Variants in TENM4 observed in about 807,000 individuals in gnomAD.
TENM4 encodes the protein teneurin transmembrane protein 4.
A neutral mutation model predicts 243.3 loss-of-function variants in TENM4; 82 were observed. The observed-to-expected ratio is 0.34, with a 90% CI of 0.28 to 0.40. TENM4 has a LOEUF of 0.40. TENM4 is among the 10% of genes least tolerant of loss of function. TENM4 has a pLI of 1.00. For missense variants in TENM4, 3,138 were observed against 3,673.3 expected, an observed-to-expected ratio of 0.85 and a Z score of 3.77; for synonymous variants, 1,412 against 1,456.3, an observed-to-expected ratio of 0.97 and a Z score of 0.69.
At chr11:79,114,573 T>C (rs1476963893) in intron 4 of TENM4, among the ~76,000 whole-genome samples, 1 of 152,174 alleles carries the variant, frequency 6.6e-6, no homozygotes, top group East Asian at 1.9e-4. Flanking sequence ...CAGAAGGGCT[T>C]CATGGGTGTG....
chr11:79,299,570 G>T (rs747227612), intron 1 of TENM4, among the ~76,000 whole-genome samples: 3 of 152,142 alleles, frequency 2.0e-5, no homozygotes, highest in Non-Finnish European at 4.4e-5. Context: ...CCAAAAGAGC[G>T]CTTTGGTATA....
At chr11:78,999,377 G>A (rs748940111) in intron 6 of TENM4, among the ~76,000 whole-genome samples, 16 of 151,992 alleles carry the variant, frequency 1.1e-4, no homozygotes, top group Non-Finnish European at 1.3e-4. Context: ...TTAGCCAGGC[G>A]TGGTGGTGTG....
At chr11:79,228,405 CAGGG>C (rs1864312365) in intron 2 of TENM4, among the ~76,000 whole-genome samples, 1 of 152,190 alleles carries the variant, frequency 6.6e-6, no homozygotes, top group Non-Finnish European at 1.5e-5. Flanking sequence ...TGCAGAACAG[CAGGG>C]CTGTTAATGA....
intron 7 of TENM4, among the ~76,000 whole-genome samples, chr11:78,894,566 T>C (rs1187473032): frequency 6.6e-6 from 1 of 152,150 alleles, no homozygotes; most frequent in Non-Finnish European, 1.5e-5. Context: ...GAAGAGGTGA[T>C]GCAACAGAGT....
At chr11:79,377,323 A>G (rs1005666215) in intron 1 of TENM4, among the ~76,000 whole-genome samples, 2 of 152,216 alleles carry the variant, frequency 1.3e-5, no homozygotes, top group Non-Finnish European at 2.9e-5. Context: ...AATTTGTTAT[A>G]GCAGCCACAG....
At position 78,805,281 on chromosome 11, in the gene TENM4, C is replaced by CCCCACCCCA; in HGVS notation, c.2179+10_2179+11insTGGGGTGGG. 1 of 1,488,492 alleles carries CCCCACCCCA rather than the reference C, an allele frequency of 6.7e-7. No homozygotes were observed. Among genetic ancestry groups the CCCCACCCCA allele is most frequent in the Non-Finnish European group, 9.1e-7 (1 of 1,097,814 alleles). The allele number at this position is 1,488,492 out of a possible 1,614,324, so 92.2% of individuals were successfully genotyped here. On this transcript the variant is annotated intron_variant, in intron 15 of 33. Coordinates refer to ENST00000278550, the MANE Select transcript of TENM4 (RefSeq NM_001098816.3). ...TCCCTCTACCCATGCTTCTTCTCCC[C>CCCCACCCCA]CTGCATTTACCGATAGAACAGTCGT...
At chr11:78,778,917 C>A (rs1339207317) in intron 16 of TENM4, among the ~76,000 whole-genome samples, 2 of 152,168 alleles carry the variant, frequency 1.3e-5, no homozygotes, top group East Asian at 1.9e-4. Flanking sequence ...GGAAAACAGA[C>A]AAAGAAGGAT....
intron 6 of TENM4, among the ~76,000 whole-genome samples, chr11:78,937,127 A>G (rs1856803460): frequency 1.3e-5 from 2 of 152,206 alleles, no homozygotes; most frequent in Admixed American, 6.5e-5. Flanking sequence ...AACCCACAGA[A>G]GAGCCTTCTG....
Position 78,712,593 on chromosome 11 carries a change from C to G in TENM4, c.3943G>C (p.Val1315Leu), listed in dbSNP as rs762729414. The change falls in exon 26 of 34, where the codon GTC becomes CTC. Residue 1315 changes from valine (V) to leucine (L), a missense_variant. Around this residue, in one of 2 missense-constraint regions of TENM4, gnomAD observed 2,467 missense variants for 3,059.1 expected, o/e 0.81. Coordinates refer to ENST00000278550, the MANE Select transcript of TENM4 (RefSeq NM_001098816.3). ...CCCGCAACCACCTCAGAGTTCTTGA[C>G]AAGGTCCTTCACCACCACAGTGGAC... The part of the protein sequence containing the change: ...IKSTVVVKDL[V>L]KNSEVVAGTG... 1 of 1,613,968 alleles carries G rather than the reference C, an allele frequency of 6.2e-7. No individual in the cohort carries two copies. Among genetic ancestry groups the G allele is most frequent in the South Asian group, 1.1e-5 (1 of 91,078 alleles).
At chr11:78,661,627 T>C in intron 32 of TENM4, 36 bp from the exon 33 acceptor site, 1 of 1,605,578 alleles carries the variant, frequency 6.2e-7, no homozygotes, top group Non-Finnish European at 8.5e-7. Context: ...CTCCATGGAG[T>C]GAGTGGACCT....
At chr11:79,097,975 A>C (rs1861125307) in intron 4 of TENM4, 1 of 152,200 alleles carries the variant, frequency 6.6e-6, no homozygotes, top group African/African-American at 2.4e-5. Context: ...AAAACAAAAA[A>C]CGATAGTGGC....
intron 2 of TENM4, among the ~76,000 whole-genome samples, chr11:79,284,761 A>G (rs1407805915): frequency 1.3e-5 from 2 of 152,234 alleles, no homozygotes; most frequent in Non-Finnish European, 2.9e-5. Flanking sequence ...GAGTAAAAAG[A>G]TAACTCACAG....
chr11:78,836,372 GA>G (rs1465503666), intron 12 of TENM4, among the ~76,000 whole-genome samples: 3 of 152,008 alleles, frequency 2.0e-5, no homozygotes, highest in African/African-American at 4.8e-5. Flanking sequence ...AAAAAAACAA[GA>G]AAAAAACCTT....
chr11:79,236,802 A>T (rs1864483013), intron 2 of TENM4, among the ~76,000 whole-genome samples: 1 of 152,152 alleles, frequency 6.6e-6, no homozygotes, highest in Admixed American at 6.5e-5. Context: ...AGGATTGTAG[A>T]GGGCGGATGT....
At chr11:78,856,539 T>C (rs151288074) in intron 10 of TENM4, among the ~76,000 whole-genome samples, 1 of 152,318 alleles carries the variant, frequency 6.6e-6, no homozygotes, top group East Asian at 1.9e-4. Flanking sequence ...TGATTTGGTG[T>C]GTTAAGGGGC....
chr11:78,847,922 C>G (rs1418259774), intron 12 of TENM4, among the ~76,000 whole-genome samples: 1 of 152,118 alleles, frequency 6.6e-6, no homozygotes, highest in Non-Finnish European at 1.5e-5. Context: ...CACTCAGAGG[C>G]AAATACCCAA....
At chr11:78,741,570 A>C (rs1358368330) in intron 19 of TENM4, among the ~76,000 whole-genome samples, 1 of 152,230 alleles carries the variant, frequency 6.6e-6, no homozygotes, top group Non-Finnish European at 1.5e-5. Context: ...AGTATTTATT[A>C]CCTTTGTTTT....
chr11:79,158,052 C>A (rs12788335), intron 3 of TENM4, among the ~76,000 whole-genome samples: 1 of 152,066 alleles, frequency 6.6e-6, no homozygotes. Flanking sequence ...TCTCAGAAGT[C>A]GATCCCAGCT....
At chr11:78,703,777 C>G (rs1859163507) in intron 27 of TENM4, among the ~76,000 whole-genome samples, 1 of 151,938 alleles carries the variant, frequency 6.6e-6, no homozygotes, top group Admixed American at 6.6e-5. Context: ...CTTCCTGAGC[C>G]CCCTACAAAC....
Sources: allele counts gnomAD v4.1 joint callset (sites outside exome capture counted in the v4.1 genomes callset), GRCh38; gene constraint gnomAD v4.1.1; regional missense constraint gnomAD v4.1.1; transcripts MANE v1.5; gene names NCBI Gene and HGNC (gene_info 2026-07-23, HGNC 2026-07-21).